The following SGK3 variants were observed in gnomAD, a reference collection of about 807,000 sequenced individuals.
SGK3 encodes serum/glucocorticoid regulated kinase family member 3.
SGK3 carries 47 observed loss-of-function variants against 68.5 expected under a neutral mutation model. The observed-to-expected ratio is 0.69, with a 90% CI of 0.54 to 0.87. The LOEUF is 0.87. SGK3 is among the 40% of genes least tolerant of loss of function. The pLI is 0.00. For missense variants in SGK3, 479 were observed against 575.5 expected (o/e 0.83, Z 1.72); for synonymous variants, 181 against 189.1 (o/e 0.96, Z 0.35).
Position 66,806,834 on chromosome 8 carries a change from A to G in SGK3, c.253+2387A>G, listed in dbSNP as rs562074277. Among the ~76,000 whole-genome samples, 769 of 151,972 alleles carry G rather than the reference A, an allele frequency of 5.1e-3. 2 individuals are homozygous for G. The highest frequency in any genetic ancestry group is 8.9e-3 in the Non-Finnish European group (606 of 67,960). On this transcript the variant is annotated intron_variant, in intron 4 of 16. Transcript: ENST00000521198. ...GTCTCGAAAAAAAAAAAAAAAAAGAAAACACAAAAGAAATCTTATGGAAAT... is the reference window on the plus strand; with the variant it reads ...GTCTCGAAAAAAAAAAAAAAAAAGAGAACACAAAAGAAATCTTATGGAAAT...
At chr8:66,791,514 G>T (rs1807451859) in intron 1 of SGK3, among the ~76,000 whole-genome samples, 1 of 152,170 alleles carries the variant, frequency 6.6e-6, no homozygotes, top group South Asian at 2.1e-4. Flanking sequence ...TACCTTACAG[G>T]AGACAAGTTG....
chr8:66,718,917 GT>G (rs1270163142), intron 1 of SGK3, among the ~76,000 whole-genome samples: 2 of 151,662 alleles, frequency 1.3e-5, no homozygotes, highest in African/African-American at 4.8e-5. Flanking sequence ...TTTCCCCCCC[GT>G]TTTAATTTTA....
At chr8:66,731,830 G>A (rs561716915) in intron 1 of SGK3, among the ~76,000 whole-genome samples, 66 of 152,236 alleles carry the variant, frequency 4.3e-4, no homozygotes, top group African/African-American at 1.1e-3. Context: ...CACCGCACCC[G>A]GCCGGGTATT....
At chr8:66,764,337 T>C (rs977864809) in intron 1 of SGK3, among the ~76,000 whole-genome samples, 5 of 152,196 alleles carry the variant, frequency 3.3e-5, no homozygotes, top group Admixed American at 2.0e-4. Flanking sequence ...ATCAGTTAGG[T>C]CAATTTATTT....
intron 16 of SGK3, among the ~76,000 whole-genome samples, chr8:66,853,766 T>C (rs1451596954): frequency 3.9e-5 from 6 of 152,222 alleles, no homozygotes; most frequent in African/African-American, 1.4e-4. Context: ...TAATAAGAAT[T>C]GGTTGCTTAA....
chr8:66,767,539 T>C (rs1445111707), intron 1 of SGK3: 1 of 1,511,744 alleles, frequency 6.6e-7, no homozygotes. Context: ...AAACAGCTTT[T>C]CAAGCTCTCT....
chr8:66,736,702 C>T (rs937345464), intron 1 of SGK3, among the ~76,000 whole-genome samples: 4 of 151,958 alleles, frequency 2.6e-5, no homozygotes, highest in Non-Finnish European at 5.9e-5. Context: ...TCACCACAAC[C>T]TCTGCCTCCA....
At chr8:66,761,128 C>T (rs1284493405) in intron 1 of SGK3, among the ~76,000 whole-genome samples, 5 of 151,950 alleles carry the variant, frequency 3.3e-5, no homozygotes, top group Non-Finnish European at 7.4e-5. Flanking sequence ...TTTTTAGAGA[C>T]AGGGTCTTAC....
At chr8:66,842,247 G>A (rs1490167768) in intron 13 of SGK3, among the ~76,000 whole-genome samples, 2 of 143,922 alleles carry the variant, frequency 1.4e-5, no homozygotes, top group Non-Finnish European at 3.0e-5. Context: ...TTGAGATGGA[G>A]TCTCGCTTTG....
chr8:66,814,056 T>C (rs1234270102), intron 5 of SGK3, 128 bp downstream of exon 5: 4 of 668,776 alleles, frequency 6.0e-6, no homozygotes, highest in Non-Finnish European at 8.7e-6. Flanking sequence ...AAATCTTCTT[T>C]GAGCATTTTC....
At chr8:66,820,311 G>T (rs746534191) in intron 5 of SGK3, among the ~76,000 whole-genome samples, 1 of 152,104 alleles carries the variant, frequency 6.6e-6, no homozygotes, top group African/African-American at 2.4e-5. Context: ...TATACTAGGT[G>T]ACTTTTTTTT....
chr8:66,738,420 T>C (rs1253458954), intron 1 of SGK3, among the ~76,000 whole-genome samples: 2 of 152,216 alleles, frequency 1.3e-5, no homozygotes, highest in African/African-American at 4.8e-5. Flanking sequence ...AAATACCATC[T>C]TCATTTCCTG....
chr8:66,859,353 G>T (rs564061494), intron 16 of SGK3, 58 bp from the exon 17 acceptor site: 117 of 1,468,634 alleles, frequency 8.0e-5, no homozygotes, highest in Non-Finnish European at 1.0e-4. Flanking sequence ...AATAAATAAA[G>T]GATTAAATTA....
intron 6 of SGK3, among the ~76,000 whole-genome samples, chr8:66,822,832 G>C (rs1423103062): frequency 6.6e-6 from 1 of 151,992 alleles, no homozygotes; most frequent in African/African-American, 2.4e-5. Context: ...TGTTGGTCAG[G>C]CTGGTTTCAA....
chr8:66,773,711 A>G (rs867475367), intron 1 of SGK3, among the ~76,000 whole-genome samples: 44 of 152,174 alleles, frequency 2.9e-4, no homozygotes, highest in African/African-American at 9.9e-4. Flanking sequence ...CTAAGAGACT[A>G]GCGGGTGGGT....
rs571077310 is a variant in SGK3 at position 66,826,129 on chromosome 8, C to T, written c.418-2525C>T. On this transcript the variant is annotated intron_variant, in intron 6 of 16. Coordinates refer to ENST00000521198, the MANE Select transcript of SGK3 (RefSeq NM_001033578.3). ...CTGGGACTACAGGCGCACGCCACCA[C>T]GCCAAGCTAATTTTTGTATTTTTAG... Among the ~76,000 whole-genome samples, 6 of 152,176 alleles carry T rather than the reference C, an allele frequency of 3.9e-5. No homozygotes were observed. In the South Asian group the frequency reaches 6.2e-4, roughly 16 times the overall value.
In SGK3 at chr8:66,826,632, A is replaced by G. The variant is rs183825714; in HGVS notation, c.418-2022A>G. On this transcript the variant is annotated intron_variant, in intron 6 of 16. Transcript: ENST00000521198. ...TGCCAATGTTGTTTTTTCATGAGAA[A>G]CTTCTTTATTTTATTTTATTTTATT... Among the ~76,000 whole-genome samples the G allele has an allele frequency of 4.4e-3, 646 of 147,634 alleles. 6 individuals are homozygous for G. Among genetic ancestry groups the G allele is most frequent in the African/African-American group, 0.017 (616 of 37,254 alleles).
chr8:66,715,790 G>T (rs1420252721), intron 1 of SGK3, among the ~76,000 whole-genome samples: 2 of 152,038 alleles, frequency 1.3e-5, no homozygotes, highest in Admixed American at 6.6e-5. Flanking sequence ...CAATTAGAGG[G>T]GATAATATGG....
intron 8 of SGK3, among the ~76,000 whole-genome samples, chr8:66,834,139 A>T (rs1018309703): frequency 1.8e-4 from 28 of 152,268 alleles, no homozygotes; most frequent in Non-Finnish European, 7.3e-5. Flanking sequence ...AGGAATGTTT[A>T]TAGCATCATT....
Sources: gnomAD v4.1 joint callset for allele counts (sites outside exome capture counted in the v4.1 genomes callset) on GRCh38, gnomAD v4.1.1 for gene constraint, MANE v1.5 for transcripts, NCBI Gene and HGNC (gene_info 2026-07-23, HGNC 2026-07-21) for gene names.